The following TFG variants were observed in gnomAD, a reference collection of about 807,000 sequenced individuals.
TFG encodes the protein protein TFG.
TFG carries 22 observed loss-of-function variants against 51.4 expected under a neutral mutation model. The ratio of observed to expected loss-of-function variants is 0.43; its 90% CI spans 0.31 to 0.61. TFG has a LOEUF of 0.61. TFG is among the 20% of genes least tolerant of loss of function. The pLI is 0.12. For missense variants in TFG, 419 were observed against 487.7 expected (o/e 0.86, Z 1.33); for synonymous variants, 187 against 165.6 (o/e 1.13, Z -0.99).
intron 3 of TFG, among the ~76,000 whole-genome samples, chr3:100,726,481 C>T (rs2095076277): frequency 6.6e-6 from 1 of 152,206 alleles, no homozygotes; most frequent in South Asian, 2.1e-4. Context: ...ATCAAGCTGA[C>T]ACCTAATATT....
At chr3:100,719,869 T>C in intron 2 of TFG, 106 bp from the exon 3 acceptor site, 2 of 642,928 alleles carry the variant, frequency 3.1e-6, no homozygotes, top group East Asian at 3.0e-5. Flanking sequence ...TCCAACTATG[T>C]TCTACAATCT....
chr3:100,732,914 C>T (rs1262150114), intron 5 of TFG, among the ~76,000 whole-genome samples: 1 of 152,128 alleles, frequency 6.6e-6, no homozygotes, highest in African/African-American at 2.4e-5. Flanking sequence ...GTAGCACCCT[C>T]CCCCTTAAAG....
chr3:100,739,416 G>A (rs7617184), intron 6 of TFG, among the ~76,000 whole-genome samples: 58,042 of 151,778 alleles, frequency 0.38, 11,299 homozygotes, highest in South Asian at 0.49. Context: ...AAGGGATAAT[G>A]TTACTCTTTT....
chr3:100,726,466 C>T (rs72930713), intron 3 of TFG, among the ~76,000 whole-genome samples: 1 of 152,162 alleles, frequency 6.6e-6, no homozygotes, highest in Admixed American at 6.5e-5. Context: ...GCATTCCTCA[C>T]TCTAATCAAG....
chr3:100,736,657 G>C lies in TFG; in HGVS notation c.662G>C (p.Gly221Ala). 1 of 1,613,916 alleles carries C rather than the reference G, an allele frequency of 6.2e-7. No individual in the cohort carries two copies. The highest frequency in any genetic ancestry group is 1.1e-5 in the South Asian group (1 of 91,064). Reference protein sequence around the residue: ...ASSSSAAHPPGVQPQQPPYTG... With the variant: ...ASSSSAAHPPAVQPQQPPYTG... Reference sequence around the variant, plus strand: ...TCCTCCTCAGCAGCTCACCCACCAGGCGTTCAGCCACAGCAGCCACCATAT... The same window carrying C: ...TCCTCCTCAGCAGCTCACCCACCAGCCGTTCAGCCACAGCAGCCACCATAT... Residue 221 changes from glycine to alanine, a missense_variant, in exon 6 of 8, where the codon GGC becomes GCC. By Grantham distance (60) the Gly-to-Ala change is moderately conservative. Transcript: ENST00000240851.
intron 1 of TFG, chr3:100,710,290 ACTACAGTAAGTATTTT>A (rs1414722923): frequency 2.0e-5 from 3 of 152,266 alleles, no homozygotes; most frequent in Non-Finnish European, 4.4e-5. Flanking sequence ...TTTGCTGGAC[ACTACAGTAAGTATTTT>A]GGATGCACTG....
At chr3:100,720,084 T>G in intron 3 of TFG, 26 bp downstream of exon 3, 3 of 1,366,846 alleles carry the variant, frequency 2.2e-6, no homozygotes, top group Non-Finnish European at 3.0e-6. Context: ...TCTAATGAAT[T>G]TACTATTTTA....
intron 6 of TFG, among the ~76,000 whole-genome samples, chr3:100,741,387 C>T (rs750499084): frequency 1.8e-4 from 28 of 151,676 alleles, no homozygotes; most frequent in Non-Finnish European, 3.4e-4. Context: ...TAATTTTTTT[C>T]TAAATGTTTA....
At chr3:100,729,837 C>G (rs1576367344) in intron 4 of TFG, among the ~76,000 whole-genome samples, 1 of 152,044 alleles carries the variant, frequency 6.6e-6, no homozygotes, top group African/African-American at 2.4e-5. Flanking sequence ...CATCATTTCT[C>G]TCTTCCTGTC....
At position 100,748,882 on chromosome 3, in the gene TFG, C is replaced by CTAAAG. The variant is rs570167142; in HGVS notation, c.*354_*358dup. ...GGCTTTTTACTATTAACATGATGTA[C>CTAAAG]TAAAGTAGAGCCCTTTGAGAATACA... is the stretch of plus-strand genomic sequence containing the variant. On this transcript the variant is annotated 3_prime_UTR_variant, in exon 8 of 8. Transcript: ENST00000240851. 4.0e-4 allele frequency: 100 copies of CTAAAG among 252,550 alleles called. 2 individuals carry two copies. The East Asian group carries it at 4.8e-3, about 12-fold the overall frequency. The allele number at this position is 252,550 out of a possible 1,614,324, so 15.6% of individuals were successfully genotyped here. A position where few individuals can be genotyped will look rare whatever the true frequency, so the allele number is the denominator to read the frequency against.
intron 2 of TFG, among the ~76,000 whole-genome samples, chr3:100,715,387 T>C (rs1355526885): frequency 6.6e-6 from 1 of 152,258 alleles, no homozygotes; most frequent in Non-Finnish European, 1.5e-5. Flanking sequence ...ATGTCATTTC[T>C]GCCCTTATGA....
chr3:100,710,444 T>A (rs904115725), intron 1 of TFG: 1 of 152,256 alleles, frequency 6.6e-6, no homozygotes, highest in African/African-American at 2.4e-5. Context: ...ACCGTCTTGC[T>A]GCACTGCCTT....
intron 3 of TFG, among the ~76,000 whole-genome samples, chr3:100,724,070 C>G (rs1179030543): frequency 6.6e-6 from 1 of 152,054 alleles, no homozygotes; most frequent in South Asian, 2.1e-4. Flanking sequence ...TAGATAATGA[C>G]TTCTATGTAA....
intron 3 of TFG, among the ~76,000 whole-genome samples, chr3:100,725,858 GT>G (rs945492697): frequency 6.6e-6 from 1 of 152,080 alleles, no homozygotes; most frequent in African/African-American, 2.4e-5. Flanking sequence ...ATCTTGTTGT[GT>G]GCTTGAAATG....
chr3:100,744,614 A>G (rs574967168), intron 6 of TFG: 59 of 373,028 alleles, frequency 1.6e-4, no homozygotes, highest in Admixed American at 3.7e-4. Context: ...CTTAATGTTT[A>G]TTGCCAGTTA....
intron 5 of TFG, among the ~76,000 whole-genome samples, chr3:100,734,370 G>A (rs954117287): frequency 5.3e-5 from 8 of 151,978 alleles, no homozygotes; most frequent in Non-Finnish European, 1.2e-4. Context: ...TAGTCAGCTG[G>A]GGATTTGGAC....
At chr3:100,721,271 C>G (rs1454825851) in intron 3 of TFG, among the ~76,000 whole-genome samples, 1 of 151,740 alleles carries the variant, frequency 6.6e-6, no homozygotes. Flanking sequence ...AGGGAAATAT[C>G]CAGGGAACAA....
intron 5 of TFG, among the ~76,000 whole-genome samples, chr3:100,735,842 G>A (rs906490378): frequency 1.2e-4 from 19 of 152,042 alleles, no homozygotes; most frequent in Non-Finnish European, 2.2e-4. Flanking sequence ...TCAGGAGCCC[G>A]GCCAAAAGAG....
At chr3:100,725,188 G>A (rs1030333805) in intron 3 of TFG, among the ~76,000 whole-genome samples, 25 of 152,044 alleles carry the variant, frequency 1.6e-4, no homozygotes, top group South Asian at 2.1e-4. Context: ...TTACAGATAT[G>A]AGCCACCACG....
Sources: allele counts gnomAD v4.1 joint callset (sites outside exome capture counted in the v4.1 genomes callset), GRCh38; gene constraint gnomAD v4.1.1; transcripts MANE v1.5; gene names NCBI Gene and HGNC (gene_info 2026-07-23, HGNC 2026-07-21).